PTPRD: variants seen among roughly 807,000 people sequenced by gnomAD.
The protein encoded by PTPRD is receptor-type tyrosine-protein phosphatase delta.
A neutral mutation model predicts 214.5 loss-of-function variants in PTPRD; 34 were observed. The ratio of observed to expected loss-of-function variants is 0.16; its 90% CI spans 0.12 to 0.21. The LOEUF (loss-of-function observed/expected upper bound fraction) is 0.21. Ranked by LOEUF, PTPRD falls within the 10% of genes least tolerant of loss-of-function variation. The pLI, the probability that PTPRD is intolerant of heterozygous loss-of-function variation, is 1.00. For synonymous variants in PTPRD, 1,128 were observed against 845.7 expected (o/e 1.33, Z -5.79); for missense variants, 2,545 against 2,398.7 (o/e 1.06, Z -1.27).
At chr9:8,811,510 C>G (rs1020705904) in intron 11 of PTPRD, among the ~76,000 whole-genome samples, 6 of 152,148 alleles carry the variant, frequency 3.9e-5, no homozygotes, top group Non-Finnish European at 2.9e-5. Flanking sequence ...TAGCTATAAC[C>G]ATAACCCAAG....
chr9:8,638,840 A>C (rs1313547202), intron 12 of PTPRD, among the ~76,000 whole-genome samples: 1 of 151,944 alleles, frequency 6.6e-6, no homozygotes, highest in Non-Finnish European at 1.5e-5. Flanking sequence ...TTTTTTATTT[A>C]TTTTTATTTA....
At chr9:9,817,342 G>C (rs980545036) in intron 5 of PTPRD, among the ~76,000 whole-genome samples, 1 of 152,006 alleles carries the variant, frequency 6.6e-6, no homozygotes, top group African/African-American at 2.4e-5. Flanking sequence ...TATTAACTTA[G>C]ATAGTATACA....
At chr9:8,588,294 C>G (rs1182335143) in intron 14 of PTPRD, among the ~76,000 whole-genome samples, 1 of 152,120 alleles carries the variant, frequency 6.6e-6, no homozygotes, top group Non-Finnish European at 1.5e-5. Flanking sequence ...TTAGAATGGA[C>G]AAAAATAAGA....
At chr9:8,430,247 G>A (rs2094950417) in intron 35 of PTPRD, among the ~76,000 whole-genome samples, 2 of 151,680 alleles carry the variant, frequency 1.3e-5, no homozygotes, top group Admixed American at 6.6e-5. Context: ...GTGACCACTG[G>A]GATGCCCATT....
chr9:8,709,948 T>G (rs1227343472), intron 12 of PTPRD, among the ~76,000 whole-genome samples: 1 of 152,190 alleles, frequency 6.6e-6, no homozygotes, highest in East Asian at 1.9e-4. Context: ...TAGGTATGAA[T>G]CACAGCTTAT....
intron 5 of PTPRD, among the ~76,000 whole-genome samples, chr9:9,782,831 G>A (rs564818214): frequency 2.6e-5 from 4 of 152,114 alleles, no homozygotes; most frequent in Non-Finnish European, 2.9e-5. Context: ...CCCACAAAAC[G>A]AAAGTTCATC....
At chr9:8,522,325 C>T (rs535227168) in intron 19 of PTPRD, among the ~76,000 whole-genome samples, 2 of 152,026 alleles carry the variant, frequency 1.3e-5, no homozygotes, top group Admixed American at 6.6e-5. Flanking sequence ...TAGAAATAAA[C>T]GTGAAAGGGG....
At chr9:10,395,985 G>T (rs1044232517) in intron 2 of PTPRD, among the ~76,000 whole-genome samples, 11 of 151,338 alleles carry the variant, frequency 7.3e-5, no homozygotes, top group Non-Finnish European at 1.6e-4. Flanking sequence ...GAGAGACAGC[G>T]AGAGACACAG....
chr9:10,484,994 T>C (rs1193329728), intron 2 of PTPRD, among the ~76,000 whole-genome samples: 1 of 151,798 alleles, frequency 6.6e-6, no homozygotes, highest in Non-Finnish European at 1.5e-5. Context: ...TAGTTTACGG[T>C]CTTAGATTTA....
intron 7 of PTPRD, among the ~76,000 whole-genome samples, chr9:9,659,119 T>C (rs1033432019): frequency 2.6e-5 from 4 of 152,146 alleles, no homozygotes; most frequent in African/African-American, 9.6e-5. Flanking sequence ...TTTATTAAAT[T>C]GATCACTAAA....
At chr9:10,107,375 T>C (rs920966955) in intron 3 of PTPRD, among the ~76,000 whole-genome samples, 6 of 152,180 alleles carry the variant, frequency 3.9e-5, no homozygotes, top group African/African-American at 9.6e-5. Flanking sequence ...ATCTTAGTTA[T>C]AAAGATCATG....
intron 11 of PTPRD, among the ~76,000 whole-genome samples, chr9:8,932,554 T>C (rs1305108285): frequency 2.6e-5 from 4 of 152,198 alleles, no homozygotes; most frequent in Admixed American, 6.5e-5. Context: ...TGCCTTTCTT[T>C]CAGAGATGGC....
At chr9:10,097,070 G>A (rs2098497304) in intron 3 of PTPRD, among the ~76,000 whole-genome samples, 1 of 151,120 alleles carries the variant, frequency 6.6e-6, no homozygotes, top group Non-Finnish European at 1.5e-5. Flanking sequence ...TTATTTCTGA[G>A]GGCTCTGTTC....
intron 4 of PTPRD, among the ~76,000 whole-genome samples, chr9:9,956,511 G>A (rs2093943764): frequency 6.6e-6 from 1 of 152,038 alleles, no homozygotes. Flanking sequence ...CAAGTGGAGA[G>A]AAACCCATAA....
chr9:8,568,723 C>G (rs779460720), intron 14 of PTPRD, among the ~76,000 whole-genome samples: 1 of 152,008 alleles, frequency 6.6e-6, no homozygotes, highest in Non-Finnish European at 1.5e-5. Flanking sequence ...ATAAAAACCT[C>G]CAGTATAAAC....
At chr9:8,674,842 T>A (rs990509646) in intron 12 of PTPRD, among the ~76,000 whole-genome samples, 8 of 152,186 alleles carry the variant, frequency 5.3e-5, no homozygotes, top group Non-Finnish European at 1.2e-4. Context: ...GTTTTTTGTA[T>A]GTGTTTTTTG....
chr9:9,609,811 C>G (rs1277525112), intron 7 of PTPRD, among the ~76,000 whole-genome samples: 1 of 152,120 alleles, frequency 6.6e-6, no homozygotes, highest in African/African-American at 2.4e-5. Context: ...AAAACCAAAT[C>G]CTGTTAGGCT....
chr9:8,562,931 A>T (rs1593886945), intron 14 of PTPRD, among the ~76,000 whole-genome samples: 1 of 151,952 alleles, frequency 6.6e-6, no homozygotes, highest in Admixed American at 6.6e-5. Context: ...GGTGCAAGGA[A>T]TGAGTCAAAC....
At chr9:8,557,685 G>A (rs1334291086) in intron 14 of PTPRD, among the ~76,000 whole-genome samples, 5 of 144,864 alleles carry the variant, frequency 3.5e-5, no homozygotes, top group African/African-American at 7.6e-5. Context: ...GGAGGTTGCA[G>A]TGAGCCGAGA....
Sources: gnomAD v4.1 joint callset for allele counts (sites outside exome capture counted in the v4.1 genomes callset) on GRCh38, gnomAD v4.1.1 for gene constraint, MANE v1.5 for transcripts, NCBI Gene and HGNC (gene_info 2026-07-23, HGNC 2026-07-21) for gene names.